GALNT17: variants seen among roughly 807,000 people sequenced by gnomAD.
The protein encoded by GALNT17 is UDP-GalNAc:polypeptide N-acetylgalactosaminyltransferase-like 3.
Under a neutral mutation model 63.7 loss-of-function variants are expected in GALNT17, and 29 were observed. The observed-to-expected ratio is 0.46, with a 90% CI of 0.34 to 0.62. The LOEUF is 0.62. Among genes scored for constraint, GALNT17 ranks in the 20% least tolerant of loss-of-function variants. GALNT17 has a pLI of 0.01. For synonymous variants in GALNT17, 305 were observed against 318.3 expected, an observed-to-expected ratio of 0.96 and a Z score of 0.45; for missense variants, 603 against 799.6, an observed-to-expected ratio of 0.75 and a Z score of 2.97.
intron 5 of GALNT17, among the ~76,000 whole-genome samples, chr7:71,501,555 A>G (rs1034749091): frequency 1.3e-5 from 2 of 152,164 alleles, no homozygotes; most frequent in Non-Finnish European, 2.9e-5. Context: ...GGTGTGCACC[A>G]TCATGGCTTC....
At chr7:71,558,811 C>A (rs780912363) in intron 5 of GALNT17, among the ~76,000 whole-genome samples, 1 of 152,118 alleles carries the variant, frequency 6.6e-6, no homozygotes, top group African/African-American at 2.4e-5. Flanking sequence ...TAGGGAGTTT[C>A]GATGTGGATC....
At chr7:71,436,909 T>C (rs1017488785) in intron 5 of GALNT17, among the ~76,000 whole-genome samples, 3 of 152,004 alleles carry the variant, frequency 2.0e-5, no homozygotes, top group Admixed American at 2.0e-4. Context: ...GACCCAACAA[T>C]GGATGAATAA....
intron 1 of GALNT17, among the ~76,000 whole-genome samples, chr7:71,251,510 A>C (rs1483835541): frequency 6.6e-6 from 1 of 152,126 alleles, no homozygotes; most frequent in East Asian, 1.9e-4. Context: ...CCTGGGTTCA[A>C]GCAGTCTTCC....
At chr7:71,248,790 A>T (rs1016940615) in intron 1 of GALNT17, among the ~76,000 whole-genome samples, 2 of 152,096 alleles carry the variant, frequency 1.3e-5, no homozygotes, top group Non-Finnish European at 2.9e-5. Context: ...CCACCCACCT[A>T]TAAGGTCGGT....
At chr7:71,401,465 TA>T (rs201710557) in intron 3 of GALNT17, among the ~76,000 whole-genome samples, 4,031 of 152,238 alleles carry the variant, frequency 0.026, 86 homozygotes, top group Non-Finnish European at 0.037. Flanking sequence ...TTCTTTGTTG[TA>T]AAGCAGGGGT....
chr7:71,628,176 G>A (rs1054281772), intron 6 of GALNT17, among the ~76,000 whole-genome samples: 3 of 151,924 alleles, frequency 2.0e-5, no homozygotes, highest in Non-Finnish European at 4.4e-5. Context: ...AATCTATCAC[G>A]CAATGATACT....
At chr7:71,256,050 C>T (rs1190384570) in intron 1 of GALNT17, among the ~76,000 whole-genome samples, 8 of 152,170 alleles carry the variant, frequency 5.3e-5, no homozygotes, top group Admixed American at 5.2e-4. Flanking sequence ...AAGCCTGCTA[C>T]CTGGAGGCTT....
intron 5 of GALNT17, among the ~76,000 whole-genome samples, chr7:71,565,150 C>T (rs1021250592): frequency 1.3e-5 from 2 of 152,056 alleles, no homozygotes; most frequent in African/African-American, 4.8e-5. Context: ...GCCTGTAATC[C>T]CAGCTACTTG....
At chr7:71,637,279 A>C (rs1039990442) in intron 6 of GALNT17, among the ~76,000 whole-genome samples, 2 of 152,040 alleles carry the variant, frequency 1.3e-5, no homozygotes, top group Admixed American at 1.3e-4. Context: ...TCCATCTCCC[A>C]GGTTCAAGTG....
chr7:71,534,809 A>G (rs1788778048), intron 5 of GALNT17, among the ~76,000 whole-genome samples: 1 of 152,118 alleles, frequency 6.6e-6, no homozygotes, highest in Admixed American at 6.5e-5. Context: ...GTTCTATGCA[A>G]AAATCGGGCC....
At chr7:71,625,680 G>A (rs1790363790) in intron 6 of GALNT17, among the ~76,000 whole-genome samples, 1 of 152,076 alleles carries the variant, frequency 6.6e-6, no homozygotes, top group South Asian at 2.1e-4. Context: ...CTCCTTTCGG[G>A]ACCTCACTTT....
Position 71,292,668 on chromosome 7 carries a change from AGTGTGTGTGTGT to A in GALNT17, c.239-42849_239-42838del, listed in dbSNP as rs201057078. ...GAGAGAGAGACAGAGAGAGAGAGAGAGTGTGTGTGTGTGTGTGTGTGTGTGTGTGTGTGTGTG... is the reference window on the plus strand; with the variant it reads ...GAGAGAGAGACAGAGAGAGAGAGAGAGTGTGTGTGTGTGTGTGTGTGTGTG... On this transcript the variant is annotated intron_variant, in intron 1 of 10. Transcript: ENST00000333538. Among the ~76,000 whole-genome samples the A allele has an allele frequency of 9.8e-3, 660 of 67,436 alleles. 4 individuals carry two copies. Among genetic ancestry groups the A allele is most frequent in the African/African-American group, 0.02 (382 of 19,524 alleles). 44.2% of individuals were successfully genotyped at this position (67,436 alleles called of 152,430 possible). A position where few individuals can be genotyped will look rare whatever the true frequency, so the allele number is the denominator to read the frequency against.
At chr7:71,571,137 C>G (rs988075233) in intron 5 of GALNT17, 148 bp from the exon 6 acceptor site, 10 of 604,828 alleles carry the variant, frequency 1.7e-5, no homozygotes, top group Non-Finnish European at 6.0e-6. Flanking sequence ...TAGGCTGGAA[C>G]CCAGTACATG....
chr7:71,617,109 A>G (rs1343828299), intron 6 of GALNT17, among the ~76,000 whole-genome samples: 1 of 148,464 alleles, frequency 6.7e-6, no homozygotes, highest in East Asian at 1.9e-4. Context: ...ATACTTAATT[A>G]TATAGTAAAT....
At chr7:71,522,128 A>AC (rs1326068525) in intron 5 of GALNT17, among the ~76,000 whole-genome samples, 1 of 152,146 alleles carries the variant, frequency 6.6e-6, no homozygotes, top group Admixed American at 6.5e-5. Flanking sequence ...GCGGATCCAC[A>AC]CTTTGTCTTC....
rs1786656461 is a variant in GALNT17, at chr7:71,421,123, C to T, written c.962+18C>T. ...CCCATCAGGTCTGTGGCTGGTGAGC[C>T]CTGGCGGCCAACGAGCCCCCAAATT... On this transcript the variant is annotated intron_variant, in intron 5 of 10. Coordinates refer to ENST00000333538, the MANE Select transcript of GALNT17 (RefSeq NM_022479.3). 1.2e-6 allele frequency: 2 copies of T among 1,613,408 alleles called. No individual in the cohort carries two copies. The highest frequency in any genetic ancestry group is 1.7e-6 in the Non-Finnish European group (2 of 1,179,732).
At chr7:71,510,892 G>A (rs1163804086) in intron 5 of GALNT17, among the ~76,000 whole-genome samples, 1 of 152,176 alleles carries the variant, frequency 6.6e-6, no homozygotes, top group Non-Finnish European at 1.5e-5. Context: ...ACCAGCCGAG[G>A]CTGGATGCAG....
At chr7:71,534,213 C>T (rs530855028) in intron 5 of GALNT17, among the ~76,000 whole-genome samples, 2 of 152,222 alleles carry the variant, frequency 1.3e-5, no homozygotes, top group African/African-American at 2.4e-5. Context: ...GGGAAACTTA[C>T]AATCATGGCA....
chr7:71,184,981 TTC>T lies in GALNT17; in HGVS notation c.238+51942_238+51943del, dbSNP rs559857573. 1.8e-3 allele frequency among the ~76,000 whole-genome samples: 215 copies of T among 122,278 alleles called. 1 individual carries two copies. The highest frequency in any genetic ancestry group is 7.1e-3 in the African/African-American group (207 of 29,292). The allele number at this position is 122,278 out of a possible 152,430, so 80.2% of individuals were successfully genotyped here. On this transcript the variant is annotated intron_variant, in intron 1 of 10. Transcript: ENST00000333538. ...CTTCCTTCCTTCCTTCCTTCCTTCC[TTC>T]CTTCCTTCCTTCCTTCTTCCTTCCC... is the stretch of plus-strand genomic sequence containing the variant.
Sources: gnomAD v4.1 joint callset for allele counts (sites outside exome capture counted in the v4.1 genomes callset) on GRCh38, gnomAD v4.1.1 for gene constraint, MANE v1.5 for transcripts, NCBI Gene and HGNC (gene_info 2026-07-23, HGNC 2026-07-21) for gene names.